GPC6: variants seen among roughly 807,000 people sequenced by gnomAD.
The protein encoded by GPC6 is glypican 6.
GPC6 carries 14 observed loss-of-function variants against 55.2 expected under a neutral mutation model. The ratio of observed to expected loss-of-function variants is 0.25; its 90% CI spans 0.17 to 0.40. The LOEUF (loss-of-function observed/expected upper bound fraction) is 0.40, where lower values mean the gene tolerates loss of function less well. Among genes scored for constraint, GPC6 ranks in the 10% least tolerant of loss-of-function variants. GPC6 has a pLI of 1.00. For synonymous variants in GPC6, 278 were observed against 259.6 expected (o/e 1.07, Z -0.68); for missense variants, 641 against 708.5 (o/e 0.90, Z 1.08).
chr13:94,079,928 G>A (rs2138794649), intron 4 of GPC6, among the ~76,000 whole-genome samples: 1 of 152,262 alleles, frequency 6.6e-6, no homozygotes, highest in South Asian at 2.1e-4. Context: ...AAATTACATG[G>A]TTGACACATT....
At chr13:93,784,654 G>A (rs531264929) in intron 2 of GPC6, among the ~76,000 whole-genome samples, 1 of 152,228 alleles carries the variant, frequency 6.6e-6, no homozygotes, top group East Asian at 1.9e-4. Flanking sequence ...CAACTGTTGG[G>A]TGTCTTTAAA....
chr13:94,324,696 G>C (rs1044335495), intron 6 of GPC6, among the ~76,000 whole-genome samples: 2 of 109,900 alleles, frequency 1.8e-5, no homozygotes, highest in African/African-American at 8.9e-5. Context: ...AACAAGACCT[G>C]GGTTTTTTGT....
chr13:94,054,685 T>G (rs1884071541), intron 4 of GPC6, among the ~76,000 whole-genome samples: 1 of 152,208 alleles, frequency 6.6e-6, no homozygotes, highest in Admixed American at 6.6e-5. Context: ...AGAGGTCGTC[T>G]AATCCACGTG....
chr13:93,656,826 C>G (rs750811393), intron 2 of GPC6, among the ~76,000 whole-genome samples: 20 of 151,872 alleles, frequency 1.3e-4, no homozygotes, highest in Admixed American at 3.3e-4. Context: ...AGCTGAGTAC[C>G]AAATCAAGGA....
intron 4 of GPC6, among the ~76,000 whole-genome samples, chr13:94,150,961 A>G (rs1486146852): frequency 2.6e-5 from 4 of 151,830 alleles, no homozygotes; most frequent in Non-Finnish European, 5.9e-5. Flanking sequence ...CTGTCCAAAT[A>G]TAAATTTCCC....
At position 94,406,723 on chromosome 13, in the gene GPC6, CTG is replaced by C. The variant is rs1055596108; in HGVS notation, c.*3507_*3508del. 6.6e-6 allele frequency: 1 copy of C among 152,102 alleles called. No individual in the cohort carries two copies. Among genetic ancestry groups the C allele is most frequent in the Non-Finnish European group, 1.5e-5 (1 of 67,954 alleles). The allele number at this position is 152,102 out of a possible 1,614,324, so 9.4% of individuals were successfully genotyped here. ...ATTACATACATGTTTCGGCTACAGA[CTG>C]AACACGAACTAAAGTCCCTAAGGAG... On this transcript the variant is annotated 3_prime_UTR_variant, in exon 9 of 9. Coordinates refer to ENST00000377047, the MANE Select transcript of GPC6 (RefSeq NM_005708.5).
chr13:93,381,060 TCTTAAGA>T (rs1445268497), intron 1 of GPC6, among the ~76,000 whole-genome samples: 1 of 152,166 alleles, frequency 6.6e-6, no homozygotes, highest in Non-Finnish European at 1.5e-5. Flanking sequence ...TGTGAGTCAG[TCTTAAGA>T]CTTAATTGAT....
chr13:93,670,563 C>T lies in GPC6; in HGVS notation c.319+125142C>T, dbSNP rs530771799. Among the ~76,000 whole-genome samples the T allele has an allele frequency of 4.0e-4, 61 of 152,032 alleles. 1 individual carries two copies. Among genetic ancestry groups the T allele is most frequent in the African/African-American group, 1.4e-3 (57 of 41,440 alleles). ...TGTGTGGGAATGAGAATGACATTTG[C>T]CAGCAAGATATAATATTACATAATA... On this transcript the variant is annotated intron_variant, in intron 2 of 8. Transcript: ENST00000377047.
intron 6 of GPC6, among the ~76,000 whole-genome samples, chr13:94,354,309 A>G (rs1173075305): frequency 6.6e-6 from 1 of 152,082 alleles, no homozygotes; most frequent in East Asian, 1.9e-4. Context: ...TTGAGTGTCT[A>G]CCATGTGTTC....
intron 2 of GPC6, among the ~76,000 whole-genome samples, chr13:93,635,924 A>G (rs1879671788): frequency 6.6e-6 from 1 of 152,106 alleles, no homozygotes; most frequent in Non-Finnish European, 1.5e-5. Flanking sequence ...CTGTGCTCCC[A>G]TTCCCCTACA....
At chr13:93,459,617 G>A (rs868700243) in intron 1 of GPC6, among the ~76,000 whole-genome samples, 37 of 152,096 alleles carry the variant, frequency 2.4e-4, no homozygotes, top group African/African-American at 6.3e-4. Context: ...ATGGGTCCCC[G>A]GGTATTCTAA....
intron 2 of GPC6, among the ~76,000 whole-genome samples, chr13:93,785,642 A>G (rs885192): frequency 0.33 from 50,340 of 151,922 alleles, 8,777 homozygotes; most frequent in African/African-American, 0.44. Context: ...AACTTTATTC[A>G]CTAGACATTT....
intron 1 of GPC6, among the ~76,000 whole-genome samples, chr13:93,445,145 G>T (rs1877952496): frequency 6.6e-6 from 1 of 152,094 alleles, no homozygotes; most frequent in South Asian, 2.1e-4. Context: ...AGAGTTAGAG[G>T]GTATTAGAGG....
At chr13:93,595,460 C>G (rs1877683548) in intron 2 of GPC6, among the ~76,000 whole-genome samples, 1 of 152,118 alleles carries the variant, frequency 6.6e-6, no homozygotes, top group African/African-American at 2.4e-5. Flanking sequence ...ACAATTCTAG[C>G]AAATACTACT....
chr13:93,411,730 G>A (rs1043515120), intron 1 of GPC6, among the ~76,000 whole-genome samples: 2 of 152,132 alleles, frequency 1.3e-5, no homozygotes, highest in Non-Finnish European at 2.9e-5. Context: ...CCCAGGTGCA[G>A]TCGCTCACTC....
chr13:94,291,083 C>G (rs1874943679), intron 5 of GPC6, among the ~76,000 whole-genome samples: 1 of 152,022 alleles, frequency 6.6e-6, no homozygotes, highest in South Asian at 2.1e-4. Flanking sequence ...ATCCCAGCTA[C>G]TCAGGAGGCT....
intron 3 of GPC6, among the ~76,000 whole-genome samples, chr13:93,991,002 C>T (rs192426022): frequency 3.4e-5 from 5 of 149,044 alleles, no homozygotes; most frequent in African/African-American, 5.1e-5. Flanking sequence ...GTTCTCAGTG[C>T]GTGAACATTT....
intron 2 of GPC6, among the ~76,000 whole-genome samples, chr13:93,753,625 T>C (rs1219278158): frequency 6.6e-6 from 1 of 152,110 alleles, no homozygotes; most frequent in East Asian, 1.9e-4. Flanking sequence ...AAATGTACAA[T>C]TGAGTTATTG....
At chr13:94,023,447 T>C (rs1012974382) in intron 3 of GPC6, among the ~76,000 whole-genome samples, 2 of 151,970 alleles carry the variant, frequency 1.3e-5, no homozygotes, top group Non-Finnish European at 2.9e-5. Context: ...GATACACCCA[T>C]GGAAAGGCTA....
Sources: gnomAD v4.1 joint callset for allele counts (sites outside exome capture counted in the v4.1 genomes callset) on GRCh38, gnomAD v4.1.1 for gene constraint, MANE v1.5 for transcripts, NCBI Gene and HGNC (gene_info 2026-07-23, HGNC 2026-07-21) for gene names.